USP46: variants seen among roughly 807,000 people sequenced by gnomAD.
USP46 encodes ubiquitin carboxyl-terminal hydrolase 46.
A neutral mutation model predicts 44.4 loss-of-function variants in USP46; 12 were observed. The ratio of observed to expected loss-of-function variants is 0.27; its 90% CI spans 0.17 to 0.44. The LOEUF is 0.44. Ranked by LOEUF, USP46 falls within the 20% of genes least tolerant of loss-of-function variation. The pLI, the probability that USP46 is intolerant of heterozygous loss-of-function variation, is 1.00. For synonymous variants in USP46, 155 were observed against 161.5 expected (o/e 0.96, Z 0.31); for missense variants, 248 against 444.8 (o/e 0.56, Z 3.98).
Position 52,597,406 on chromosome 4 carries a change from T to G in USP46, c.*234A>C. On this transcript the variant is annotated 3_prime_UTR_variant, in exon 9 of 9. Coordinates refer to ENST00000441222, the MANE Select transcript of USP46 (RefSeq NM_022832.4). Reference sequence around the variant, plus strand: ...CAGTCCTAAAATTAGCAACCGTTATTCATATAAATCAGACTACAATCTGAT... The same window carrying G: ...CAGTCCTAAAATTAGCAACCGTTATGCATATAAATCAGACTACAATCTGAT... 1.4e-5 allele frequency: 6 copies of G among 426,232 alleles called. No homozygotes were observed. The highest frequency in any genetic ancestry group is 4.8e-5 in the East Asian group (1 of 20,846). The allele number at this position is 426,232 out of a possible 1,614,324, so 26.4% of individuals were successfully genotyped here.
rs1719082414 is a variant in USP46 at position 52,659,237 on chromosome 4, G to A, written c.-87C>T. The A allele has an allele frequency of 2.0e-5, 28 of 1,431,392 alleles. No homozygotes were observed. Among genetic ancestry groups the A allele is most frequent in the Non-Finnish European group, 2.5e-5 (27 of 1,080,132 alleles). 88.7% of individuals were successfully genotyped at this position (1,431,392 alleles called of 1,614,324 possible). A position where few individuals can be genotyped will look rare whatever the true frequency, so the allele number is the denominator to read the frequency against. ...ATGGTGGCGCGCTGGCGGGGAGGCC[G>A]GGCGGCAGCGCGGCGGCCTGGGGTC... On this transcript the variant is annotated 5_prime_UTR_variant, in exon 1 of 9. Coordinates refer to ENST00000441222, the MANE Select transcript of USP46 (RefSeq NM_022832.4). The surrounding 1 kb of genome is among the most constrained non-coding windows in gnomAD (Gnocchi z 4.2).
intron 4 of USP46, among the ~76,000 whole-genome samples, chr4:52,613,121 T>C (rs1716995811): frequency 1.3e-5 from 2 of 152,180 alleles, no homozygotes; most frequent in South Asian, 2.1e-4. Context: ...AACGAGTTCA[T>C]GGTTTCATGG....
chr4:52,657,124 C>T (rs1718984301), intron 1 of USP46, among the ~76,000 whole-genome samples: 1 of 151,220 alleles, frequency 6.6e-6, no homozygotes, highest in Non-Finnish European at 1.5e-5. Flanking sequence ...ACTCTCTAGA[C>T]ATGGCGTCTA....
chr4:52,656,957 T>C (rs58521271), intron 1 of USP46, among the ~76,000 whole-genome samples: 336 of 150,288 alleles, frequency 2.2e-3, no homozygotes, highest in African/African-American at 7.8e-3. Flanking sequence ...GGAGAATCAC[T>C]TGAGCCTGGG....
chr4:52,610,291 C>G (rs1255047139), intron 5 of USP46, among the ~76,000 whole-genome samples: 1 of 152,112 alleles, frequency 6.6e-6, no homozygotes, highest in Non-Finnish European at 1.5e-5. Context: ...AACACTTTAC[C>G]TGGCTGATCT....
chr4:52,592,965 C>T lies in USP46; in HGVS notation c.*4675G>A, dbSNP rs1421354964. 10 of 398,552 alleles carry T rather than the reference C, an allele frequency of 2.5e-5. No individual in the cohort carries two copies. The highest frequency in any genetic ancestry group is 4.4e-6 in the Non-Finnish European group (1 of 226,210). 24.7% of individuals were successfully genotyped at this position (398,552 alleles called of 1,614,324 possible). A position where few individuals can be genotyped will look rare whatever the true frequency, so the allele number is the denominator to read the frequency against. ...ATTGTAAGTTTCCTGAGGCCTCCCCCAGAACAGAAGCCTGTACAGCCCATA... is the reference window on the plus strand; with the variant it reads ...ATTGTAAGTTTCCTGAGGCCTCCCCTAGAACAGAAGCCTGTACAGCCCATA... On this transcript the variant is annotated 3_prime_UTR_variant, in exon 9 of 9. Transcript: ENST00000441222.
intron 1 of USP46, among the ~76,000 whole-genome samples, chr4:52,658,703 G>A (rs944173008): frequency 6.6e-6 from 1 of 152,244 alleles, no homozygotes; most frequent in African/African-American, 2.4e-5. Flanking sequence ...AAAATGAGAT[G>A]AGGGCAGTCT....
chr4:52,614,004 A>C (rs1717031736), intron 4 of USP46, among the ~76,000 whole-genome samples: 1 of 152,194 alleles, frequency 6.6e-6, no homozygotes, highest in Non-Finnish European at 1.5e-5. Context: ...AAATAGAAAC[A>C]ATAAAAAAGA....
chr4:52,658,716 A>G (rs1203158672), intron 1 of USP46, among the ~76,000 whole-genome samples: 2 of 152,202 alleles, frequency 1.3e-5, no homozygotes, highest in Non-Finnish European at 2.9e-5. Flanking sequence ...GGCAGTCTGG[A>G]CGTCCAATAA....
Position 52,659,186 on chromosome 4 carries a change from T to C in USP46, c.-36A>G. On this transcript the variant is annotated 5_prime_UTR_variant, in exon 1 of 9. Coordinates refer to ENST00000441222, the MANE Select transcript of USP46 (RefSeq NM_022832.4). This position sits in a 1 kb window ranked among gnomAD's most constrained non-coding sequence, Gnocchi z 4.2. ...GTTGCAGCGATCCCTCACCGCCATC[T>C]TTACAAGGGGAAACCGGGACTGCCC... 1 of 1,529,036 alleles carries C rather than the reference T, an allele frequency of 6.5e-7. No homozygotes were observed. The highest frequency in any genetic ancestry group is 8.8e-7 in the Non-Finnish European group (1 of 1,137,190). The allele number at this position is 1,529,036 out of a possible 1,614,324, so 94.7% of individuals were successfully genotyped here. A position where few individuals can be genotyped will look rare whatever the true frequency, so the allele number is the denominator to read the frequency against.
At chr4:52,655,698 T>C (rs1718923007) in intron 1 of USP46, among the ~76,000 whole-genome samples, 1 of 152,098 alleles carries the variant, frequency 6.6e-6, no homozygotes, top group Non-Finnish European at 1.5e-5. Context: ...ATTATGAAAA[T>C]TACAACACAC....
rs1716606363 is a variant in USP46, at chr4:52,604,598, T to C, written c.639-14A>G. On this transcript the variant is annotated splice_polypyrimidine_tract_variant and intron_variant, in intron 5 of 8. Transcript: ENST00000441222. Reference sequence around the variant, plus strand: ...TTGCTGAAGTCTCTGTAGAGGAAAATATTTCCATCTTTAAAAAATGTCCAA... The same window carrying C: ...TTGCTGAAGTCTCTGTAGAGGAAAACATTTCCATCTTTAAAAAATGTCCAA... 10 of 1,558,712 alleles carry C rather than the reference T, an allele frequency of 6.4e-6. No homozygotes were observed. The East Asian group carries it at 2.3e-4, about 36-fold the overall frequency.
intron 3 of USP46, among the ~76,000 whole-genome samples, chr4:52,627,260 A>T (rs1717630908): frequency 6.6e-6 from 1 of 152,246 alleles, no homozygotes; most frequent in Non-Finnish European, 1.5e-5. Flanking sequence ...AAGAGACTTT[A>T]TAAAACAAAT....
At chr4:52,658,986 G>A (rs547018072) in intron 1 of USP46, 129 bp downstream of exon 1, 5 of 1,182,244 alleles carry the variant, frequency 4.2e-6, no homozygotes, top group Non-Finnish European at 4.5e-6. Flanking sequence ...CTCGGGGGCC[G>A]GGAACTTCTG....
chr4:52,644,751 A>C (rs1718478218), intron 1 of USP46, among the ~76,000 whole-genome samples: 1 of 151,656 alleles, frequency 6.6e-6, no homozygotes, highest in East Asian at 1.9e-4. Context: ...AAAAAAAAAA[A>C]AAAAAAACCT....
intron 2 of USP46, 49 bp from the exon 3 acceptor site, chr4:52,628,212 C>T (rs1319702147): frequency 3.2e-6 from 5 of 1,578,452 alleles, no homozygotes; most frequent in Non-Finnish European, 4.3e-6. Context: ...GGGGATGAGC[C>T]ACCTCTGGAA....
intron 5 of USP46, among the ~76,000 whole-genome samples, chr4:52,609,456 TC>T (rs1716828090): frequency 6.6e-6 from 1 of 151,968 alleles, no homozygotes; most frequent in Non-Finnish European, 1.5e-5. Flanking sequence ...AGCCCACCCT[TC>T]CCTTATCTTT....
chr4:52,610,680 A>T, intron 4 of USP46, 63 bp from the exon 5 acceptor site: 1 of 1,476,004 alleles, frequency 6.8e-7, no homozygotes, highest in Non-Finnish European at 9.4e-7. Context: ...AACTTTGAAC[A>T]TGTATAGGTA....
At chr4:52,618,849 T>C (rs1212090760) in intron 4 of USP46, among the ~76,000 whole-genome samples, 1 of 152,184 alleles carries the variant, frequency 6.6e-6, no homozygotes, top group Non-Finnish European at 1.5e-5. Context: ...CTGAATCAAT[T>C]TGAACCTCTG....
Sources: gnomAD v4.1 joint callset for allele counts (sites outside exome capture counted in the v4.1 genomes callset) on GRCh38, gnomAD v4.1.1 for gene constraint, Gnocchi (gnomAD v3.1) non-coding constraint, MANE v1.5 for transcripts, NCBI Gene and HGNC (gene_info 2026-07-23, HGNC 2026-07-21) for gene names.